Variants in ALDH1A2 observed in about 807,000 individuals in gnomAD.
ALDH1A2 encodes aldehyde dehydrogenase 1 family member A2.
A neutral mutation model predicts 60.3 loss-of-function variants in ALDH1A2; 27 were observed. The ratio of observed to expected loss-of-function variants is 0.45; its 90% CI spans 0.33 to 0.62. The LOEUF (loss-of-function observed/expected upper bound fraction) is 0.62, where lower values mean the gene tolerates loss of function less well. ALDH1A2 is among the 20% of genes least tolerant of loss of function. ALDH1A2 has a pLI of 0.02. For synonymous variants in ALDH1A2, 289 were observed against 232.4 expected, an observed-to-expected ratio of 1.24 and a Z score of -2.21; for missense variants, 581 against 643.8, an observed-to-expected ratio of 0.90 and a Z score of 1.06.
intron 1 of ALDH1A2, 50 bp downstream of exon 1, chr15:58,065,484 G>A (rs1312136153): frequency 1.9e-5 from 28 of 1,468,140 alleles, no homozygotes; most frequent in African/African-American, 4.2e-5. Context: ...GGAAACCGAA[G>A]AAGGTTCTAG....
intron 9 of ALDH1A2, among the ~76,000 whole-genome samples, chr15:57,962,485 A>G (rs565266964): frequency 9.9e-5 from 15 of 152,242 alleles, no homozygotes; most frequent in Non-Finnish European, 1.9e-4. Context: ...TTACTATTCA[A>G]TGTTCATATG....
At position 57,980,894 on chromosome 15, in the gene ALDH1A2, G is replaced by A. The variant is rs545251148; in HGVS notation, c.798+11811C>T. Among the ~76,000 whole-genome samples, 7 of 152,280 alleles carry A rather than the reference G, an allele frequency of 4.6e-5. No individual in the cohort carries two copies. In the South Asian group the frequency reaches 1.5e-3, roughly 32 times the overall value. On this transcript the variant is annotated intron_variant, in intron 7 of 12. Transcript: ENST00000249750. ...TTCTTTGTACCTCTGATAGAATTCA[G>A]CTGTGAATCCGTCTGGTCCTGGGCT...
At chr15:58,034,681 G>A (rs192075774) in intron 1 of ALDH1A2, among the ~76,000 whole-genome samples, 1 of 151,736 alleles carries the variant, frequency 6.6e-6, no homozygotes, top group East Asian at 1.9e-4. Context: ...TATGATGAAT[G>A]GGTGCTGAAT....
At chr15:58,063,159 G>A (rs1239321629) in intron 1 of ALDH1A2, among the ~76,000 whole-genome samples, 2 of 152,130 alleles carry the variant, frequency 1.3e-5, no homozygotes, top group African/African-American at 4.8e-5. Context: ...GACTCTATGT[G>A]GGTCCCAATA....
intron 7 of ALDH1A2, among the ~76,000 whole-genome samples, chr15:57,970,287 C>G (rs905159841): frequency 6.6e-6 from 1 of 152,206 alleles, no homozygotes; most frequent in Admixed American, 6.5e-5. Flanking sequence ...ACTTTGCACT[C>G]CCTGCAGAGC....
chr15:58,059,281 G>C (rs1263535545), intron 1 of ALDH1A2, among the ~76,000 whole-genome samples: 1 of 152,184 alleles, frequency 6.6e-6, no homozygotes, highest in African/African-American at 2.4e-5. Context: ...GGGGGGAAAT[G>C]AATGGCTTTG....
intron 7 of ALDH1A2, among the ~76,000 whole-genome samples, chr15:57,977,262 C>CACAGCACAAG (rs1402518727): frequency 2.3e-4 from 35 of 152,124 alleles, no homozygotes; most frequent in African/African-American, 8.2e-4. Flanking sequence ...TTAATTAGAT[C>CACAGCACAAG]CCGTTTGTCA....
intron 7 of ALDH1A2, among the ~76,000 whole-genome samples, chr15:57,986,614 C>T (rs1894711641): frequency 8.8e-6 from 1 of 113,468 alleles, no homozygotes; most frequent in Non-Finnish European, 1.8e-5. Flanking sequence ...ACAGGAAAAA[C>T]TCCAGTCAAA....
chr15:57,965,583 AC>A, intron 8 of ALDH1A2, 141 bp downstream of exon 8: 1 of 745,314 alleles, frequency 1.3e-6, no homozygotes, highest in East Asian at 2.6e-5. Context: ...CCATTATTAA[AC>A]CATTTTCTCC....
chr15:58,027,377 C>T (rs942551046), intron 1 of ALDH1A2, among the ~76,000 whole-genome samples: 1 of 152,076 alleles, frequency 6.6e-6, no homozygotes, highest in Admixed American at 6.5e-5. Flanking sequence ...ACACCAAAAC[C>T]CCATTTGTAG....
chr15:58,002,859 C>T (rs934263253), intron 4 of ALDH1A2, among the ~76,000 whole-genome samples: 1 of 151,770 alleles, frequency 6.6e-6, no homozygotes, highest in Non-Finnish European at 1.5e-5. Context: ...TGAACTATTC[C>T]ATTATGTATG....
intron 7 of ALDH1A2, among the ~76,000 whole-genome samples, chr15:57,976,978 C>T (rs1156662248): frequency 6.6e-6 from 1 of 152,160 alleles, no homozygotes; most frequent in Non-Finnish European, 1.5e-5. Flanking sequence ...GATGGTATCT[C>T]ACTGTGGTTT....
intron 12 of ALDH1A2, among the ~76,000 whole-genome samples, chr15:57,958,695 T>C (rs1398929511): frequency 2.6e-5 from 4 of 151,992 alleles, no homozygotes; most frequent in Non-Finnish European, 5.9e-5. Context: ...GTGGAGTTTC[T>C]GAGGCTGTAT....
At chr15:57,965,666 T>C (rs544879752) in intron 8 of ALDH1A2, 59 bp downstream of exon 8, 40 of 1,242,052 alleles carry the variant, frequency 3.2e-5, no homozygotes, top group Admixed American at 5.0e-5. Context: ...AGTGGAGATA[T>C]AAAAGAGAGC....
chr15:57,987,064 A>C (rs1398566133), intron 7 of ALDH1A2, among the ~76,000 whole-genome samples: 5 of 152,104 alleles, frequency 3.3e-5, no homozygotes, highest in Non-Finnish European at 7.3e-5. Context: ...CTAGAACTTA[A>C]CAAAATCTCT....
At chr15:57,959,687 T>C (rs571294224) in intron 12 of ALDH1A2, among the ~76,000 whole-genome samples, 1 of 152,316 alleles carries the variant, frequency 6.6e-6, no homozygotes, top group South Asian at 2.1e-4. Context: ...ATGAGGTAAC[T>C]GAGGCTTAGA....
chr15:57,979,128 T>G (rs1208182166), intron 7 of ALDH1A2, among the ~76,000 whole-genome samples: 1 of 151,958 alleles, frequency 6.6e-6, no homozygotes, highest in Non-Finnish European at 1.5e-5. Flanking sequence ...CTTTCCCCAC[T>G]GGGCCCTGAG....
chr15:58,014,836 C>G (rs1163587612), intron 1 of ALDH1A2, among the ~76,000 whole-genome samples: 1 of 152,138 alleles, frequency 6.6e-6, no homozygotes, highest in Non-Finnish European at 1.5e-5. Context: ...TTTCCCTTTG[C>G]TGAATAGGCT....
chr15:58,002,141 C>G (rs1013656091), intron 4 of ALDH1A2, among the ~76,000 whole-genome samples: 2 of 151,816 alleles, frequency 1.3e-5, no homozygotes, highest in Non-Finnish European at 2.9e-5. Context: ...TAGTTTACAA[C>G]TTATGGAAAA....
Sources: gnomAD v4.1 joint callset for allele counts (sites outside exome capture counted in the v4.1 genomes callset) on GRCh38, gnomAD v4.1.1 for gene constraint, MANE v1.5 for transcripts, NCBI Gene and HGNC (gene_info 2026-07-23, HGNC 2026-07-21) for gene names.